Variants in AFG2A observed in about 807,000 individuals in gnomAD.
The protein encoded by AFG2A is AAA ATPase AFG2A.
chr4:123,056,147 T>G, the AFG2A span, among the ~76,000 whole-genome samples: 1 of 152,336 alleles, frequency 6.6e-6, no homozygotes, highest in East Asian at 1.9e-4. Flanking sequence ...GATGAATAAG[T>G]TGTTAAAATA....
the AFG2A span, among the ~76,000 whole-genome samples, chr4:122,981,102 G>GT: frequency 6.6e-6 from 1 of 151,952 alleles, no homozygotes; most frequent in Non-Finnish European, 1.5e-5. Flanking sequence ...TTTTCCTTAT[G>GT]TTTTCTTCTA....
At chr4:123,258,361 TAAG>T in the AFG2A span, among the ~76,000 whole-genome samples, 1 of 152,226 alleles carries the variant, frequency 6.6e-6, no homozygotes, top group Non-Finnish European at 1.5e-5. Flanking sequence ...TAGGAGACGT[TAAG>T]TAATGCTTAA....
chr4:123,254,165 T>C, the AFG2A span, among the ~76,000 whole-genome samples: 1 of 152,170 alleles, frequency 6.6e-6, no homozygotes, highest in Non-Finnish European at 1.5e-5. Context: ...GTCTTTTCGT[T>C]TTCTTAAAGG....
the AFG2A span, among the ~76,000 whole-genome samples, chr4:123,309,085 A>G: frequency 5.3e-5 from 8 of 152,196 alleles, no homozygotes; most frequent in Non-Finnish European, 1.0e-4. Context: ...ATGTGCCCTG[A>G]TTGAGTTGTT....
chr4:123,318,608 T>C, the AFG2A span: 1 of 151,942 alleles, frequency 6.6e-6, no homozygotes, highest in African/African-American at 2.4e-5. Context: ...AATCCCAGAG[T>C]CTCATGTTTA....
chr4:123,022,995 T>C, the AFG2A span, among the ~76,000 whole-genome samples: 3 of 126,014 alleles, frequency 2.4e-5, no homozygotes, highest in Admixed American at 2.1e-4. Context: ...TGAGAACACA[T>C]GGACACAGGA....
chr4:123,020,805 A>T, the AFG2A span, among the ~76,000 whole-genome samples: 1 of 152,150 alleles, frequency 6.6e-6, no homozygotes, highest in Admixed American at 6.5e-5. Flanking sequence ...TTTCTGTCAT[A>T]CAGAGTGTTG....
At chr4:123,080,560 A>G in the AFG2A span, among the ~76,000 whole-genome samples, 1 of 150,956 alleles carries the variant, frequency 6.6e-6, no homozygotes, top group Admixed American at 6.6e-5. Context: ...TTCATTATGC[A>G]TTTACCTTTC....
chr4:123,001,776 T>C, the AFG2A span, among the ~76,000 whole-genome samples: 2 of 152,202 alleles, frequency 1.3e-5, no homozygotes, highest in African/African-American at 4.8e-5. Flanking sequence ...AGAATGTATA[T>C]TCTGTTGATT....
chr4:122,956,595 C>G, the AFG2A span, among the ~76,000 whole-genome samples: 1 of 152,138 alleles, frequency 6.6e-6, no homozygotes, highest in Non-Finnish European at 1.5e-5. Flanking sequence ...TTCCCCTAAT[C>G]TAGCAATGAA....
the AFG2A span, among the ~76,000 whole-genome samples, chr4:123,201,764 C>G: frequency 6.6e-6 from 1 of 151,872 alleles, no homozygotes; most frequent in African/African-American, 2.4e-5. Context: ...ACTAAAAATA[C>G]AAAAAAATTT....
the AFG2A span, among the ~76,000 whole-genome samples, chr4:123,024,998 G>A: frequency 2.0e-5 from 3 of 152,136 alleles, no homozygotes; most frequent in Admixed American, 6.5e-5. Context: ...CGGGGAATGC[G>A]GGGGAGAGGT....
chr4:123,234,146 T>A, the AFG2A span, among the ~76,000 whole-genome samples: 2 of 152,122 alleles, frequency 1.3e-5, no homozygotes, highest in African/African-American at 4.8e-5. Context: ...GACAGTTTTC[T>A]CCTCATTTTT....
the AFG2A span, among the ~76,000 whole-genome samples, chr4:123,279,008 A>G: frequency 2.9e-4 from 44 of 152,298 alleles, 1 homozygote; most frequent in East Asian, 7.9e-3. Context: ...ATGGCACCAT[A>G]TATCTCTAGG....
At chr4:122,967,125 C>T in the AFG2A span, among the ~76,000 whole-genome samples, 3 of 152,058 alleles carry the variant, frequency 2.0e-5, no homozygotes, top group African/African-American at 4.8e-5. Flanking sequence ...AAAACCAGTT[C>T]GGTGCAGTGG....
chr4:123,233,479 C>A, the AFG2A span, among the ~76,000 whole-genome samples: 1 of 152,004 alleles, frequency 6.6e-6, no homozygotes, highest in South Asian at 2.1e-4. Flanking sequence ...CAAATCACCT[C>A]TTTTTATATT....
the AFG2A span, among the ~76,000 whole-genome samples, chr4:122,996,823 T>TG: frequency 1.3e-5 from 2 of 152,094 alleles, no homozygotes; most frequent in Non-Finnish European, 2.9e-5. Flanking sequence ...AGGGGGCTGC[T>TG]GGTATAAGTC....
the AFG2A span, among the ~76,000 whole-genome samples, chr4:123,129,754 T>C: frequency 2.6e-5 from 4 of 152,188 alleles, no homozygotes; most frequent in African/African-American, 9.7e-5. Flanking sequence ...ATGGCTTCAG[T>C]TGTCAGCTGT....
the AFG2A span, chr4:123,314,079 TCAAGA>T: frequency 6.8e-7 from 1 of 1,476,940 alleles, no homozygotes; most frequent in Non-Finnish European, 9.0e-7. Flanking sequence ...ATATATATAT[TCAAGA>T]TGCTGAAAAT....
Sources: gnomAD v4.1 joint callset for allele counts (sites outside exome capture counted in the v4.1 genomes callset) on GRCh38, gnomAD v4.1.1 for gene constraint, MANE v1.5 for transcripts, NCBI Gene and HGNC (gene_info 2026-07-23, HGNC 2026-07-21) for gene names.